The following MAGT1 variants were observed in gnomAD, a reference collection of about 807,000 sequenced individuals.
The protein encoded by MAGT1 is dolichyl-diphosphooligosaccharide--protein glycosyltransferase subunit MAGT1.
A neutral mutation model predicts 28.4 loss-of-function variants in MAGT1; 4 were observed. That is an observed-to-expected ratio of 0.14 (90% CI 0.07 to 0.32). MAGT1 has a LOEUF of 0.32. Among genes scored for constraint, MAGT1 ranks in the 10% least tolerant of loss-of-function variants. The pLI is 1.00. For missense variants in MAGT1, 193 were observed against 264.5 expected, an observed-to-expected ratio of 0.73 and a Z score of 1.88; for synonymous variants, 89 against 89.7, an observed-to-expected ratio of 0.99 and a Z score of 0.04.
At chrX:77,861,071 C>T (rs2076993570) in intron 3 of MAGT1, among the ~76,000 whole-genome samples, 1 of 108,804 alleles carries the variant, frequency 9.2e-6, no homozygotes, top group Non-Finnish European at 1.9e-5. Context: ...CCCAGCTACT[C>T]GGGAGGCTGA....
intron 1 of MAGT1, among the ~76,000 whole-genome samples, chrX:77,883,553 CTTTTTTTTTTT>C (rs1166624171): frequency 1.6e-5 from 1 of 61,710 alleles, no homozygotes; most frequent in East Asian, 5.5e-4. Context: ...AATTCATTTT[CTTTTTTTTTTT>C]TTTTTTTTTT....
intron 7 of MAGT1, among the ~76,000 whole-genome samples, chrX:77,850,473 T>C (rs1351451081): frequency 2.0e-5 from 1 of 49,384 alleles, no homozygotes; most frequent in African/African-American, 1.0e-4. Flanking sequence ...GAGACTCCAC[T>C]CAAAAAAAAA....
At chrX:77,882,996 T>TTATATATATTTTGAAGCAATATATATA (rs2077056811) in intron 1 of MAGT1, among the ~76,000 whole-genome samples, 1 of 100,319 alleles carries the variant, frequency 1.0e-5, no homozygotes, top group Admixed American at 1.2e-4. Context: ...TATATATAAT[T>TTATATATATTTTGAAGCAATATATATA]TATATATATT....
At chrX:77,886,299 T>A (rs1376631804) in intron 1 of MAGT1, among the ~76,000 whole-genome samples, 4 of 111,612 alleles carry the variant, frequency 3.6e-5, no homozygotes, top group African/African-American at 1.3e-4. Flanking sequence ...ATAAACTTTT[T>A]AAACCTGTGT....
At chrX:77,845,059 T>C (rs1198901643) in intron 7 of MAGT1, among the ~76,000 whole-genome samples, 1 of 110,951 alleles carries the variant, frequency 9.0e-6, no homozygotes, top group African/African-American at 3.3e-5. Context: ...AAGTCTCCCA[T>C]TATTATTGTG....
intron 8 of MAGT1, among the ~76,000 whole-genome samples, chrX:77,840,708 G>A (rs1222953788): frequency 9.0e-6 from 1 of 111,027 alleles, no homozygotes; most frequent in Non-Finnish European, 1.9e-5. Flanking sequence ...GCTGGGCATG[G>A]TGGCACATGC....
chrX:77,841,294 GCACCATTCCTAAGGTAACTC>G lies in MAGT1; in HGVS notation c.833_852del (p.Gly278AlafsTer4). 1 of 1,204,876 alleles carries G rather than the reference GCACCATTCCTAAGGTAACTC, an allele frequency of 8.3e-7. No homozygotes were observed. The highest frequency in any genetic ancestry group is 1.1e-6 in the Non-Finnish European group (1 of 889,656). ...TCAGAGGTAGCAGCTTCACATAAAAGCACCATTCCTAAGGTAACTCCACCATCTAAGAAAAATTGTTTAAG... is the reference window on the plus strand; with the variant it reads ...TCAGAGGTAGCAGCTTCACATAAAAGCACCATCTAAGAAAAATTGTTTAAG... On this transcript the variant is annotated frameshift_variant, in exon 8 of 10. Transcript: ENST00000618282. LOFTEE classifies it high-confidence loss of function.
intron 8 of MAGT1, among the ~76,000 whole-genome samples, chrX:77,834,292 A>AT (rs1232876333): frequency 2.0e-5 from 2 of 97,724 alleles, no homozygotes; most frequent in Non-Finnish European, 4.0e-5. Flanking sequence ...ATATATGCAT[A>AT]TATATATATA....
intron 6 of MAGT1, among the ~76,000 whole-genome samples, chrX:77,854,797 A>C (rs781930272): frequency 1.8e-5 from 2 of 111,688 alleles, no homozygotes; most frequent in East Asian, 5.6e-4. Flanking sequence ...CTAGTATTTA[A>C]GTGTACAAGA....
At chrX:77,861,410 G>A (rs964298798) in intron 3 of MAGT1, among the ~76,000 whole-genome samples, 7 of 111,847 alleles carry the variant, frequency 6.3e-5, no homozygotes, top group Non-Finnish European at 1.3e-4. Context: ...AAGTGGTTGC[G>A]AGCATGTGGA....
In MAGT1 at chrX:77,858,036, T is replaced by C. The variant is rs782689061; in HGVS notation, c.391-539A>G. ...TCTCCATCATGACATCATGATATATTTGAGAAGACAACACCGGAAATACTA... is the reference window on the plus strand; with the variant it reads ...TCTCCATCATGACATCATGATATATCTGAGAAGACAACACCGGAAATACTA... On this transcript the variant is annotated intron_variant, in intron 3 of 9. Coordinates refer to ENST00000618282, the MANE Select transcript of MAGT1 (RefSeq NM_001367916.1). 6.4e-4 allele frequency among the ~76,000 whole-genome samples: 72 copies of C among 111,862 alleles called. 1 individual carries two copies. The highest frequency in any genetic ancestry group is 4.6e-3 in the Middle Eastern group (1 of 219).
At chrX:77,853,507 G>A (rs782065662) in intron 7 of MAGT1, among the ~76,000 whole-genome samples, 14 of 111,927 alleles carry the variant, frequency 1.3e-4, no homozygotes, top group Non-Finnish European at 2.6e-4. Context: ...CCCTGGGTCT[G>A]ATTGACAGTT....
At chrX:77,879,301 C>T (rs782494604) in intron 1 of MAGT1, among the ~76,000 whole-genome samples, 1 of 111,693 alleles carries the variant, frequency 9.0e-6, no homozygotes, top group South Asian at 3.8e-4. Flanking sequence ...ATGATCTGCT[C>T]GCCTCGGCCT....
At position 77,828,592 on chromosome X, in the gene MAGT1, T is replaced by A. The variant is rs1445391754; in HGVS notation, c.*628A>T. The A allele has an allele frequency of 9.0e-6, 1 of 110,814 alleles. No individual in the cohort carries two copies. The highest frequency in any genetic ancestry group is 2.8e-4 in the East Asian group (1 of 3,511). The allele number at this position is 110,814 out of a possible 1,213,427, so 9.1% of individuals were successfully genotyped here. A position where few individuals can be genotyped will look rare whatever the true frequency, so the allele number is the denominator to read the frequency against. ...AAAAACAACAAAACAAAAACAATCA[T>A]AGACAGCACTGTATTTCAGTAGGAA... is the stretch of plus-strand genomic sequence containing the variant. On this transcript the variant is annotated 3_prime_UTR_variant, in exon 10 of 10. Transcript: ENST00000618282.
chrX:77,853,887 T>C lies in MAGT1; in HGVS notation c.826+14A>G. 2 of 1,175,050 alleles carry C rather than the reference T, an allele frequency of 1.7e-6. No homozygotes were observed. The highest frequency in any genetic ancestry group is 1.8e-5 in the African/African-American group (1 of 56,621). The stretch of plus-strand genomic sequence containing the variant: ...GACAAAATACAGCAAGAAAGACTTA[T>C]TGTAAAAGGATACTAAACAGAAGAA... On this transcript the variant is annotated intron_variant, in intron 7 of 9. Coordinates refer to ENST00000618282, the MANE Select transcript of MAGT1 (RefSeq NM_001367916.1).
intron 8 of MAGT1, among the ~76,000 whole-genome samples, chrX:77,834,218 A>G (rs1219076450): frequency 1.0e-5 from 1 of 98,312 alleles, no homozygotes; most frequent in Non-Finnish European, 2.0e-5. Flanking sequence ...ACATGTGTGT[A>G]TATATATGCA....
intron 5 of MAGT1, 64 bp from the exon 6 acceptor site, chrX:77,855,654 G>C: frequency 1.2e-6 from 1 of 860,606 alleles, no homozygotes; most frequent in Non-Finnish European, 1.7e-6. Flanking sequence ...TTAGATAACA[G>C]GAATATGAAA....
chrX:77,848,281 G>C (rs1395116020), intron 7 of MAGT1, among the ~76,000 whole-genome samples: 1 of 112,060 alleles, frequency 8.9e-6, no homozygotes, highest in African/African-American at 3.2e-5. Flanking sequence ...ACACAGTCCT[G>C]ATTAAATGTT....
chrX:77,849,341 A>C (rs994447976), intron 7 of MAGT1, among the ~76,000 whole-genome samples: 6 of 110,029 alleles, frequency 5.5e-5, no homozygotes, highest in Non-Finnish European at 1.1e-4. Flanking sequence ...CAGCCTCCCA[A>C]AGTGCTGGTA....
Sources: gnomAD v4.1 joint callset for allele counts (sites outside exome capture counted in the v4.1 genomes callset) on GRCh38, gnomAD v4.1.1 for gene constraint, MANE v1.5 for transcripts, NCBI Gene and HGNC (gene_info 2026-07-23, HGNC 2026-07-21) for gene names.